MYO19: variants seen among roughly 807,000 people sequenced by gnomAD.
MYO19 encodes myosin XIX.
Under a neutral mutation model 129.2 loss-of-function variants are expected in MYO19, and 132 were observed. The observed-to-expected ratio is 1.02, with a 90% CI of 0.89 to 1.18. The LOEUF is 1.18. MYO19 is among the 50% of genes most tolerant of loss of function. The pLI, the probability that MYO19 is intolerant of heterozygous loss-of-function variation, is 0.00. For synonymous variants in MYO19, 531 were observed against 477.2 expected, an observed-to-expected ratio of 1.11 and a Z score of -1.47; for missense variants, 1,210 against 1,216.7, an observed-to-expected ratio of 0.99 and a Z score of 0.08.
At chr17:36,535,939 G>A (rs1160872714), upstream of MYO19, among the ~76,000 whole-genome samples, 2 of 151,866 alleles carry the variant, frequency 1.3e-5, no homozygotes, top group African/African-American at 4.8e-5. Context: ...ATGGTCAACT[G>A]ATTTGAGTTG....
chr17:36,526,504 A>G (rs959063509), intron 5 of MYO19, among the ~76,000 whole-genome samples: 3 of 152,226 alleles, frequency 2.0e-5, no homozygotes, highest in Admixed American at 1.3e-4. Flanking sequence ...TTTTCTCAGT[A>G]AAAGAATAAG....
At chr17:36,504,206 A>T in intron 19 of MYO19, 186 bp from the exon 20 acceptor site, 5 of 512,148 alleles carry the variant, frequency 9.8e-6, no homozygotes, top group Middle Eastern at 1.0e-3. Flanking sequence ...CAAATCTCCC[A>T]CTAGAAAGGG....
At chr17:36,499,226 G>T in intron 23 of MYO19, 66 bp from the exon 24 acceptor site, 1 of 1,157,280 alleles carries the variant, frequency 8.6e-7, no homozygotes, top group Non-Finnish European at 1.3e-6. Flanking sequence ...CAGTGACCTC[G>T]CTGCAGCAGC....
In MYO19 at chr17:36,501,101, C is replaced by A; in HGVS notation, c.2215G>T (p.Gly739Cys). Residue 739 changes from glycine to cysteine, a missense_variant, in exon 22 of 26, where the codon GGC becomes TGC. By Grantham distance (159) the Gly-to-Cys change is radical. Coordinates refer to ENST00000614623, the MANE Select transcript of MYO19 (RefSeq NM_001163735.2). ...TCAGTCATGAACACCTTGGTCCTGCCACAGTGCATGGGGGCTGGCATGGCC... is the reference window on the plus strand; with the variant it reads ...TCAGTCATGAACACCTTGGTCCTGCAACAGTGCATGGGGGCTGGCATGGCC... ...AEAMPAPMHC[G>C]RTKVFMTDSM... 6.2e-7 allele frequency: 1 copy of A among 1,613,870 alleles called. No homozygotes were observed.
chr17:36,527,332 A>G (rs537779489), intron 5 of MYO19, among the ~76,000 whole-genome samples: 13 of 152,218 alleles, frequency 8.5e-5, no homozygotes, highest in Non-Finnish European at 1.6e-4. Context: ...AAACTCAGTT[A>G]AACAAATATT....
At chr17:36,497,490 T>C in intron 25 of MYO19, 1 of 974,896 alleles carries the variant, frequency 1.0e-6, no homozygotes, top group Non-Finnish European at 1.2e-6. Context: ...TGGGACTAAT[T>C]AGATTATTTG....
At chr17:36,519,534 C>T (rs566704622) in intron 6 of MYO19, among the ~76,000 whole-genome samples, 1 of 151,138 alleles carries the variant, frequency 6.6e-6, no homozygotes, top group South Asian at 2.1e-4. Flanking sequence ...TCTTAGTTCC[C>T]TTTTTTCTTA....
Position 36,498,434 on chromosome 17 carries a change from G to C in MYO19, c.2589C>G (p.Leu863=), listed in dbSNP as rs1189940704. The C allele has an allele frequency of 5.0e-6, 8 of 1,613,930 alleles. No homozygotes were observed. Among genetic ancestry groups the C allele is most frequent in the South Asian group, 1.1e-5 (1 of 91,094 alleles). ...TGGCCAGGACCAGTCCCAGGGGCCA[G>C]AGGCGGATTATTGCCTCCAGGAGCC... is the stretch of plus-strand genomic sequence containing the variant. ...QTRLLEAIIR[L]WPLGLVLANT... is the part of the protein sequence containing the mutation. Residue 863 remains leucine, a synonymous_variant, in exon 25 of 26, where the codon CTC becomes CTG. Coordinates refer to ENST00000614623, the MANE Select transcript of MYO19 (RefSeq NM_001163735.2).
At chr17:36,531,881 A>G (rs1042130830) in intron 3 of MYO19, among the ~76,000 whole-genome samples, 19 of 152,192 alleles carry the variant, frequency 1.2e-4, no homozygotes, top group African/African-American at 4.6e-4. Context: ...TTGGTAAAAT[A>G]AAAAGTCAGC....
At chr17:36,526,339 C>T (rs575323804) in intron 5 of MYO19, among the ~76,000 whole-genome samples, 6 of 152,232 alleles carry the variant, frequency 3.9e-5, no homozygotes, top group African/African-American at 7.2e-5. Flanking sequence ...CTGGCTTTCT[C>T]GTCTTCCTGC....
chr17:36,516,894 T>TGA (rs2072790118), intron 6 of MYO19, among the ~76,000 whole-genome samples: 1 of 152,226 alleles, frequency 6.6e-6, no homozygotes, highest in Non-Finnish European at 1.5e-5. Context: ...CAGAGATATT[T>TGA]CTATCTTCTG....
chr17:36,519,626 T>A (rs2073016922), intron 6 of MYO19, among the ~76,000 whole-genome samples: 2 of 144,410 alleles, frequency 1.4e-5, no homozygotes, highest in African/African-American at 5.1e-5. Flanking sequence ...ATAGTGATTA[T>A]CTTCTAAAGA....
chr17:36,506,950 G>A lies in MYO19; in HGVS notation c.1644+13C>T, dbSNP rs780795260. The A allele has an allele frequency of 4.4e-6, 7 of 1,576,734 alleles. No individual in the cohort carries two copies. Among genetic ancestry groups the A allele is most frequent in the Non-Finnish European group, 6.1e-6 (7 of 1,155,458 alleles). ...TTTCTCGCAGGCCCCACAGGGCATGGCCCAGCCCGTACCTTGTTCTTCTCC... is the reference window on the plus strand; with the variant it reads ...TTTCTCGCAGGCCCCACAGGGCATGACCCAGCCCGTACCTTGTTCTTCTCC... On this transcript the variant is annotated intron_variant, in intron 17 of 25. Transcript: ENST00000614623.
At chr17:36,537,018 A>C (rs1245451151), upstream of MYO19, 1 of 1,305,994 alleles carries the variant, frequency 7.7e-7, no homozygotes, top group Non-Finnish European at 1.1e-6. Flanking sequence ...TAATAAGAGT[A>C]AAATTAAGCC....
chr17:36,505,203 A>T, intron 19 of MYO19, 94 bp downstream of exon 19: 1 of 1,114,682 alleles, frequency 9.0e-7, no homozygotes, highest in Non-Finnish European at 1.4e-6. Flanking sequence ...ACTTCTGTGC[A>T]CTCCATTTGG....
At chr17:36,537,415 C>T (rs775004729), upstream of MYO19, 1 of 1,614,024 alleles carries the variant, frequency 6.2e-7, no homozygotes, top group East Asian at 2.2e-5. Flanking sequence ...ACCTGCTATG[C>T]CAGACTGCCT....
chr17:36,517,586 G>A (rs1336831434), intron 6 of MYO19, among the ~76,000 whole-genome samples: 2 of 152,156 alleles, frequency 1.3e-5, no homozygotes, highest in Admixed American at 6.5e-5. Context: ...TCTTTTCAGA[G>A]AAAAGTCTTT....
Position 36,503,102 on chromosome 17 carries a change from A to G in MYO19, c.2075T>C (p.Leu692Pro). The change falls in exon 21 of 26, where the codon CTC becomes CCC. Residue 692 changes from leucine to proline, a missense_variant. Transcript: ENST00000614623. ...AACTCATGGGTCCCACTCACCAGGGAGCCCTTTGGCAGGATATGGGCTGTC... is the reference window on the plus strand; with the variant it reads ...AACTCATGGGTCCCACTCACCAGGGGGCCCTTTGGCAGGATATGGGCTGTC... ...GPDSPYPAKGLPEWCPHSEEA... is the reference protein window; with the variant it reads ...GPDSPYPAKGPPEWCPHSEEA... The G allele has an allele frequency of 6.2e-7, 1 of 1,613,374 alleles. No individual in the cohort carries two copies. The highest frequency in any genetic ancestry group is 8.5e-7 in the Non-Finnish European group (1 of 1,179,284).
At chr17:36,537,202 T>C, upstream of MYO19, 2 of 1,614,170 alleles carry the variant, frequency 1.2e-6, no homozygotes, top group Non-Finnish European at 1.7e-6. Context: ...TTCTGTATCC[T>C]GTGCAGAGGG....
Sources: allele counts gnomAD v4.1 joint callset (sites outside exome capture counted in the v4.1 genomes callset), GRCh38; gene constraint gnomAD v4.1.1; transcripts MANE v1.5; gene names NCBI Gene and HGNC (gene_info 2026-07-23, HGNC 2026-07-21).